The following TMEM51 variants were observed in gnomAD, a reference collection of about 807,000 sequenced individuals.
TMEM51 encodes chromosome 1 open reading frame 72.
A neutral mutation model predicts 13.6 loss-of-function variants in TMEM51; 8 were observed. The observed-to-expected ratio is 0.59, with a 90% CI of 0.35 to 1.07. TMEM51 has a LOEUF of 1.07. Ranked by LOEUF, TMEM51 falls within the 50% of genes least tolerant of loss-of-function variation. The pLI is 0.02. For synonymous variants in TMEM51, 147 were observed against 144.4 expected (o/e 1.02, Z -0.13); for missense variants, 279 against 330.7 (o/e 0.84, Z 1.21).
intron 1 of TMEM51, among the ~76,000 whole-genome samples, chr1:15,159,333 G>C (rs1262639758): frequency 1.3e-5 from 2 of 152,104 alleles, no homozygotes; most frequent in Admixed American, 6.5e-5. Flanking sequence ...GTAGACCCTT[G>C]ACCCCTCCAC....
At chr1:15,168,501 C>A (rs1020393335) in intron 1 of TMEM51, 1 of 1,303,932 alleles carries the variant, frequency 7.7e-7, no homozygotes, top group South Asian at 1.2e-5. Flanking sequence ...TGTATTATTG[C>A]CCCTTGGTTT....
chr1:15,210,622 C>G (rs1269998164), intron 2 of TMEM51, 60 bp downstream of exon 2: 1 of 152,174 alleles, frequency 6.6e-6, no homozygotes, highest in Non-Finnish European at 1.5e-5. Flanking sequence ...TAGAATCATT[C>G]ATACCTCCCT....
intron 1 of TMEM51, chr1:15,168,563 C>T (rs1184254330): frequency 9.2e-6 from 12 of 1,304,700 alleles, no homozygotes; most frequent in Non-Finnish European, 1.1e-5. Flanking sequence ...GCTGTTTTGT[C>T]TTGGGCTAAG....
chr1:15,183,405 C>T (rs866766881), intron 1 of TMEM51, among the ~76,000 whole-genome samples: 10 of 152,180 alleles, frequency 6.6e-5, no homozygotes, highest in African/African-American at 2.2e-4. Context: ...CCAGGTACCC[C>T]GATTCTGCCG....
chr1:15,189,213 C>CTTT lies in TMEM51; in HGVS notation c.-266-21257_-266-21255dup, dbSNP rs59346950. Among the ~76,000 whole-genome samples, 102 of 92,836 alleles carry CTTT rather than the reference C, an allele frequency of 1.1e-3. 4 individuals are homozygous for CTTT. The highest frequency in any genetic ancestry group is 2.1e-3 in the African/African-American group (50 of 23,450). The allele number at this position is 92,836 out of a possible 152,430, so 60.9% of individuals were successfully genotyped here. ...CTTCACCACACCCAGCTAATTTTTCCTTTTTTTTTTTTTTTTTTTTTTAGT... is the reference window on the plus strand; with the variant it reads ...CTTCACCACACCCAGCTAATTTTTCCTTTTTTTTTTTTTTTTTTTTTTTTTAGT... On this transcript the variant is annotated intron_variant, in intron 1 of 3. Transcript: ENST00000376008.
chr1:15,194,917 CTTTT>C (rs34885407), intron 1 of TMEM51, among the ~76,000 whole-genome samples: 17 of 93,438 alleles, frequency 1.8e-4, no homozygotes, highest in East Asian at 3.5e-4. Flanking sequence ...TATAATTTTA[CTTTT>C]TTTTTTTTTT....
At chr1:15,204,246 G>T (rs895736419) in intron 1 of TMEM51, among the ~76,000 whole-genome samples, 2 of 152,184 alleles carry the variant, frequency 1.3e-5, no homozygotes, top group African/African-American at 2.4e-5. Context: ...AGATTCCAGG[G>T]CTGAGCCTCC....
rs3078880 is a variant in TMEM51, at chr1:15,192,470, T to TTTTTTTTTTTTTTTTTA, written c.-266-18020_-266-18019insTTTTTTTTTTTTTTTTA. On this transcript the variant is annotated intron_variant, in intron 1 of 3. Transcript: ENST00000376008. ...TCTTTCTTTTCTTTTCCTTTTTTTT[T>TTTTTTTTTTTTTTTTTA]ATGACAGAATCTTGCTCTGCTGCCC... is the stretch of plus-strand genomic sequence containing the variant. 2.9e-4 allele frequency: 72 copies of TTTTTTTTTTTTTTTTTA among 250,792 alleles called. 1 individual carries two copies. The highest frequency in any genetic ancestry group is 1.5e-3 in the Middle Eastern group (1 of 652). The allele number at this position is 250,792 out of a possible 1,614,324, so 15.5% of individuals were successfully genotyped here.
intron 1 of TMEM51, among the ~76,000 whole-genome samples, chr1:15,194,017 TATTCCTTC>T (rs147141134): frequency 0.06 from 9,143 of 152,322 alleles, 352 homozygotes; most frequent in Non-Finnish European, 0.093. Context: ...TATGCTGTGC[TATTCCTTC>T]ATTCAACAAA....
In TMEM51 at chr1:15,157,657, A is replaced by G. The variant is rs186388384; in HGVS notation, c.-267+3703A>G. On this transcript the variant is annotated intron_variant, in intron 1 of 3. Transcript: ENST00000376008. The stretch of plus-strand genomic sequence containing the variant: ...GAGTAAGGGCCAAGGGTCCTGAAAG[A>G]TGAGGTGTGCACATTGAGGAGTGTG... Among the ~76,000 whole-genome samples, 818 of 152,184 alleles carry G rather than the reference A, an allele frequency of 5.4e-3. 8 individuals carry two copies. The highest frequency in any genetic ancestry group is 0.018 in the African/African-American group (767 of 41,516).
intron 1 of TMEM51, among the ~76,000 whole-genome samples, chr1:15,159,013 G>T (rs1245273075): frequency 1.3e-5 from 2 of 152,164 alleles, no homozygotes; most frequent in Non-Finnish European, 2.9e-5. Context: ...AGAACCTTGC[G>T]CAATGTAGCT....
intron 1 of TMEM51, among the ~76,000 whole-genome samples, chr1:15,174,948 G>A (rs1643408697): frequency 6.6e-6 from 1 of 152,190 alleles, no homozygotes; most frequent in South Asian, 2.1e-4. Context: ...TTGGGAGTTA[G>A]AGCTTCATAT....
Position 15,171,114 on chromosome 1 carries a change from C to T in TMEM51, c.-267+17160C>T, listed in dbSNP as rs184023641. ...TCCTCCCTCCTCCTCCACCCCCCGC[C>T]ACATCCCCCACCCCCAGTTGCTGAT... On this transcript the variant is annotated intron_variant, in intron 1 of 3. Coordinates refer to ENST00000376008, the MANE Select transcript of TMEM51 (RefSeq NM_001136218.2). The T allele has an allele frequency of 2.7e-4, 310 of 1,137,778 alleles. 1 individual carries two copies. In the African/African-American group the frequency reaches 4.0e-3, roughly 15 times the overall value. 70.5% of individuals were successfully genotyped at this position (1,137,778 alleles called of 1,614,324 possible).
At chr1:15,190,647 G>A (rs146850256) in intron 1 of TMEM51, among the ~76,000 whole-genome samples, 77 of 152,256 alleles carry the variant, frequency 5.1e-4, no homozygotes, top group African/African-American at 1.6e-3. Context: ...GACTATTTAC[G>A]TTACATGGTA....
chr1:15,217,266 G>A (rs1644446467), intron 3 of TMEM51, among the ~76,000 whole-genome samples: 2 of 152,126 alleles, frequency 1.3e-5, no homozygotes, highest in South Asian at 4.1e-4. Context: ...CCTTTCCATG[G>A]TAATGACCTG....
intron 1 of TMEM51, among the ~76,000 whole-genome samples, chr1:15,167,598 T>C (rs1643069827): frequency 6.6e-6 from 1 of 152,218 alleles, no homozygotes. Context: ...TTTATCTTTA[T>C]ATGAAATGAC....
intron 1 of TMEM51, among the ~76,000 whole-genome samples, chr1:15,179,338 C>T (rs1464219391): frequency 6.6e-6 from 1 of 152,118 alleles, no homozygotes; most frequent in East Asian, 1.9e-4. Flanking sequence ...CCCAGCTGTC[C>T]CTCAGCAGGC....
At position 15,215,441 on chromosome 1, in the gene TMEM51, G is replaced by C. The variant is rs1308197243; in HGVS notation, c.344+10G>C. 1 of 1,584,686 alleles carries C rather than the reference G, an allele frequency of 6.3e-7. No homozygotes were observed. Among genetic ancestry groups the C allele is most frequent in the Non-Finnish European group, 8.6e-7 (1 of 1,167,876 alleles). Reference sequence around the variant, plus strand: ...CCCAGGAGGAAGACAGGTGAGGCCTGACTGTCCCCTTCCCTCCCCGGATCG... The same window carrying C: ...CCCAGGAGGAAGACAGGTGAGGCCTCACTGTCCCCTTCCCTCCCCGGATCG... On this transcript the variant is annotated intron_variant, in intron 3 of 3. Coordinates refer to ENST00000376008, the MANE Select transcript of TMEM51 (RefSeq NM_001136218.2).
chr1:15,215,866 AG>A (rs1644423630), intron 3 of TMEM51, among the ~76,000 whole-genome samples: 1 of 152,104 alleles, frequency 6.6e-6, no homozygotes. Flanking sequence ...GTCTCTACTA[AG>A]AATACAAAAA....
Sources: allele counts gnomAD v4.1 joint callset (sites outside exome capture counted in the v4.1 genomes callset), GRCh38; gene constraint gnomAD v4.1.1; transcripts MANE v1.5; gene names NCBI Gene and HGNC (gene_info 2026-07-23, HGNC 2026-07-21).